Variants in CEP112 observed in about 807,000 individuals in gnomAD.
CEP112 encodes centrosomal protein 112.
A neutral mutation model predicts 153.0 loss-of-function variants in CEP112; 127 were observed. That is an observed-to-expected ratio of 0.83 (90% CI 0.72 to 0.96). The LOEUF (loss-of-function observed/expected upper bound fraction) is 0.96. Among genes scored for constraint, CEP112 ranks in the 40% least tolerant of loss-of-function variants. The pLI is 0.00. For missense variants in CEP112, 1,089 were observed against 1,101.2 expected, an observed-to-expected ratio of 0.99 and a Z score of 0.16; for synonymous variants, 358 against 374.4, an observed-to-expected ratio of 0.96 and a Z score of 0.51.
chr17:65,797,742 G>A (rs189402051), intron 21 of CEP112, among the ~76,000 whole-genome samples: 6 of 152,334 alleles, frequency 3.9e-5, no homozygotes, highest in African/African-American at 1.4e-4. Flanking sequence ...ATCTGGTTAA[G>A]TTTGAAGAGG....
chr17:66,130,233 A>T lies in CEP112; in HGVS notation c.565-410T>A, dbSNP rs1209874921. Among the ~76,000 whole-genome samples the T allele has an allele frequency of 2.0e-5, 3 of 152,162 alleles. No individual in the cohort carries two copies. In the East Asian group the frequency reaches 5.8e-4, roughly 29 times the overall value. On this transcript the variant is annotated intron_variant, in intron 5 of 26. Coordinates refer to ENST00000535342, the MANE Select transcript of CEP112 (RefSeq NM_001199165.4). ...CACACAGCAACTAAATTTCAAAAAA[A>T]AAAAAATTAAAAATTAATCCAGGCT... is the stretch of plus-strand genomic sequence containing the variant.
intron 10 of CEP112, among the ~76,000 whole-genome samples, chr17:66,065,457 C>T (rs2067079067): frequency 2.6e-5 from 4 of 152,000 alleles, no homozygotes; most frequent in Admixed American, 2.0e-4. Flanking sequence ...TCAATACACC[C>T]TCCATTACCA....
At chr17:65,836,632 A>C (rs1184144714) in intron 21 of CEP112, among the ~76,000 whole-genome samples, 1 of 152,224 alleles carries the variant, frequency 6.6e-6, no homozygotes, top group Non-Finnish European at 1.5e-5. Flanking sequence ...ATATAAAAAA[A>C]CAAAAATTAA....
intron 6 of CEP112, among the ~76,000 whole-genome samples, chr17:66,112,298 A>C (rs538586453): frequency 6.6e-6 from 1 of 152,112 alleles, no homozygotes; most frequent in Non-Finnish European, 1.5e-5. Context: ...TCTCAAAAAA[A>C]TAAAAAAATT....
chr17:66,113,057 G>A (rs1056378646), intron 6 of CEP112, among the ~76,000 whole-genome samples: 1 of 151,816 alleles, frequency 6.6e-6, no homozygotes, highest in Non-Finnish European at 1.5e-5. Flanking sequence ...TAACAAGAGC[G>A]AAACTCCGTC....
chr17:66,149,888 G>GTTTTTTTTTTTTTTTTTTTTTTTTTTTTT (rs71160535), intron 4 of CEP112, among the ~76,000 whole-genome samples: 1 of 54,710 alleles, frequency 1.8e-5, no homozygotes, highest in Non-Finnish European at 3.1e-5. Flanking sequence ...TTGTTTGTTT[G>GTTTTTTTTTTTTTTTTTTTTTTTTTTTTT]TTTTTTTTTT....
In CEP112 at chr17:65,743,101, C is replaced by T. The variant is rs1386549107; in HGVS notation, c.2574G>A (p.Lys858=). Reference sequence around the variant, plus strand: ...CTTGGTCATTATCTCTAATCAGCTGCTTCTTCTCATCTTCAAACTTTTGTC... The same window carrying T: ...CTTGGTCATTATCTCTAATCAGCTGTTTCTTCTCATCTTCAAACTTTTGTC... ...DVRQKFEDEK[K]QLIRDNDQAI... Residue 858 remains lysine (K), a synonymous_variant, in exon 23 of 27, where the codon AAG becomes AAA. Transcript: ENST00000535342. 3 of 1,611,950 alleles carry T rather than the reference C, an allele frequency of 1.9e-6. No individual in the cohort carries two copies. The highest frequency in any genetic ancestry group is 1.7e-5 in the Admixed American group (1 of 59,742).
At position 65,951,749 on chromosome 17, in the gene CEP112, C is replaced by CCCCCCACCG. The variant is rs71160510; in HGVS notation, c.1872+9713_1872+9714insCGGTGGGGG. On this transcript the variant is annotated intron_variant, in intron 18 of 26. Transcript: ENST00000535342. ...TCTGCTCTAATCTTCCCCCGCCCCC[C>CCCCCCACCG]CCTTTCTTCCACTTGCTTAGAAGCT... Among the ~76,000 whole-genome samples the CCCCCCACCG allele has an allele frequency of 3.8e-5, 4 of 106,148 alleles. No individual in the cohort carries two copies. In the East Asian group the frequency reaches 1.2e-3, roughly 31 times the overall value. The allele number at this position is 106,148 out of a possible 152,430, so 69.6% of individuals were successfully genotyped here. A position where few individuals can be genotyped will look rare whatever the true frequency, so the allele number is the denominator to read the frequency against.
chr17:65,688,859 C>A (rs2047949570), intron 24 of CEP112: 2 of 288,002 alleles, frequency 6.9e-6, no homozygotes, highest in Non-Finnish European at 6.5e-6. Flanking sequence ...CCTCTGCCTC[C>A]CGGGTTCAAG....
At chr17:66,101,648 T>C (rs987590258) in intron 6 of CEP112, among the ~76,000 whole-genome samples, 2 of 152,040 alleles carry the variant, frequency 1.3e-5, no homozygotes, top group African/African-American at 2.4e-5. Context: ...AAAACTGGTT[T>C]CTTTAACAAG....
At chr17:66,053,517 T>TAAA (rs386386445) in intron 12 of CEP112, among the ~76,000 whole-genome samples, 12 of 138,416 alleles carry the variant, frequency 8.7e-5, no homozygotes, top group African/African-American at 2.9e-4. Flanking sequence ...ATAATAATAA[T>TAAA]AAATAAAAAG....
At chr17:65,934,702 A>T (rs1347105492) in intron 18 of CEP112, among the ~76,000 whole-genome samples, 3 of 152,250 alleles carry the variant, frequency 2.0e-5, no homozygotes, top group Non-Finnish European at 2.9e-5. Context: ...AAGATATTTC[A>T]TGCAAATAGA....
chr17:65,915,427 CCCTGCATCCTCT>C (rs1180604034), intron 19 of CEP112, among the ~76,000 whole-genome samples: 1 of 152,054 alleles, frequency 6.6e-6, no homozygotes, highest in Non-Finnish European at 1.5e-5. Flanking sequence ...TAACTAGGTC[CCCTGCATCCTCT>C]CCTGCCTCCA....
intron 21 of CEP112, among the ~76,000 whole-genome samples, chr17:65,787,091 T>C (rs192786708): frequency 5.3e-5 from 8 of 152,352 alleles, no homozygotes; most frequent in African/African-American, 1.9e-4. Context: ...AGTGCCAAAC[T>C]ACTAACGTCC....
At chr17:66,073,167 C>T (rs1403379272) in intron 8 of CEP112, among the ~76,000 whole-genome samples, 1 of 152,154 alleles carries the variant, frequency 6.6e-6, no homozygotes, top group Non-Finnish European at 1.5e-5. Flanking sequence ...CAGGGTACCA[C>T]ACTAACCTCC....
At chr17:66,035,076 G>A (rs1422060124) in intron 12 of CEP112, among the ~76,000 whole-genome samples, 1 of 148,782 alleles carries the variant, frequency 6.7e-6, no homozygotes. Context: ...CTGACCTCAA[G>A]TGATCTGCCC....
chr17:66,070,495 A>G (rs2067271586), intron 8 of CEP112, among the ~76,000 whole-genome samples: 2 of 152,152 alleles, frequency 1.3e-5, no homozygotes, highest in Admixed American at 1.3e-4. Flanking sequence ...ATTACTGATT[A>G]GTGCATATCT....
At chr17:66,018,128 C>T (rs1010756688) in intron 16 of CEP112, among the ~76,000 whole-genome samples, 1 of 152,084 alleles carries the variant, frequency 6.6e-6, no homozygotes, top group Non-Finnish European at 1.5e-5. Flanking sequence ...AAATGATTTG[C>T]TTGTAATCCT....
chr17:65,971,404 T>A (rs938455468), intron 17 of CEP112, among the ~76,000 whole-genome samples: 1 of 54,382 alleles, frequency 1.8e-5, no homozygotes, highest in South Asian at 1.5e-3. Flanking sequence ...GCATGTATAT[T>A]GCACCCATGC....
Sources: gnomAD v4.1 joint callset for allele counts (sites outside exome capture counted in the v4.1 genomes callset) on GRCh38, gnomAD v4.1.1 for gene constraint, MANE v1.5 for transcripts, NCBI Gene and HGNC (gene_info 2026-07-23, HGNC 2026-07-21) for gene names.